The following DAZAP2 variants were observed in gnomAD, a reference collection of about 807,000 sequenced individuals.
The protein encoded by DAZAP2 is DAZ associated protein 2.
Under a neutral mutation model 16.2 loss-of-function variants are expected in DAZAP2, and 3 were observed. The observed-to-expected ratio is 0.19, with a 90% confidence interval of 0.08 to 0.48. The LOEUF is 0.48. DAZAP2 is among the 20% of genes least tolerant of loss of function. The pLI, the probability that DAZAP2 is intolerant of heterozygous loss-of-function variation, is 0.98. For missense variants in DAZAP2, 172 were observed against 215.9 expected (o/e 0.80, Z 1.27); for synonymous variants, 69 against 77.6 (o/e 0.89, Z 0.58).
chr12:51,242,891 T>C lies in DAZAP2; in HGVS notation c.*433T>C, dbSNP rs1944704126. 7 of 1,252,298 alleles carry C rather than the reference T, an allele frequency of 5.6e-6. No homozygotes were observed. In the South Asian group the frequency reaches 1.4e-4, roughly 24 times the overall value. The allele number at this position is 1,252,298 out of a possible 1,614,324, so 77.6% of individuals were successfully genotyped here. A position where few individuals can be genotyped will look rare whatever the true frequency, so the allele number is the denominator to read the frequency against. ...TTTGATATATATTACTTGTTATAAA[T>C]GGAACGCATTAGTTGTCTGCCTTTT... On this transcript the variant is annotated 3_prime_UTR_variant, in exon 4 of 4. Transcript: ENST00000412716.
chr12:51,238,885 G>A lies in DAZAP2; in HGVS notation c.-23G>A, dbSNP rs1040199755. The A allele has an allele frequency of 2.5e-6, 4 of 1,613,352 alleles. No individual in the cohort carries two copies. The highest frequency in any genetic ancestry group is 2.2e-5 in the East Asian group (1 of 44,860). ...AAAAAATAACCGTCCGCGACGCCGA[G>A]ACAAACCGGACCCGCAACCACCATG... On this transcript the variant is annotated 5_prime_UTR_variant, in exon 1 of 4. Coordinates refer to ENST00000412716, the MANE Select transcript of DAZAP2 (RefSeq NM_014764.4).
At position 51,243,918 on chromosome 12, in the gene DAZAP2, A is replaced by C; in HGVS notation, c.*1460A>C. 1.0e-6 allele frequency: 1 copy of C among 985,218 alleles called. No homozygotes were observed. Among genetic ancestry groups the C allele is most frequent in the Non-Finnish European group, 1.2e-6 (1 of 829,744 alleles). 61.0% of individuals were successfully genotyped at this position (985,218 alleles called of 1,614,324 possible). On this transcript the variant is annotated 3_prime_UTR_variant, in exon 4 of 4. Transcript: ENST00000412716. ...TTTGATGACGCTTTGAAATAAAGGC[A>C]GGAGTACAAGCCTAAGACTTGATCA...
intron 2 of DAZAP2, 178 bp downstream of exon 2, chr12:51,240,639 G>T: frequency 4.7e-6 from 4 of 842,226 alleles, no homozygotes; most frequent in Non-Finnish European, 5.4e-6. Context: ...TGATGATTTT[G>T]TGTTATTTGG....
chr12:51,242,877 T>C lies in DAZAP2; in HGVS notation c.*419T>C, dbSNP rs1309294015. ...ATCTCCTTTAAGTCTTTGATATATA[T>C]TACTTGTTATAAATGGAACGCATTA... On this transcript the variant is annotated 3_prime_UTR_variant, in exon 4 of 4. Coordinates refer to ENST00000412716, the MANE Select transcript of DAZAP2 (RefSeq NM_014764.4). The C allele has an allele frequency of 7.7e-7, 1 of 1,302,450 alleles. No individual in the cohort carries two copies. Among genetic ancestry groups the C allele is most frequent in the African/African-American group, 1.5e-5 (1 of 65,240 alleles). 80.7% of individuals were successfully genotyped at this position (1,302,450 alleles called of 1,614,324 possible). A position where few individuals can be genotyped will look rare whatever the true frequency, so the allele number is the denominator to read the frequency against.
In DAZAP2 at chr12:51,240,915, C is replaced by G; in HGVS notation, c.177C>G (p.Pro59=). 1.2e-6 allele frequency: 2 copies of G among 1,614,218 alleles called. No homozygotes were observed. Among genetic ancestry groups the G allele is most frequent in the Non-Finnish European group, 1.7e-6 (2 of 1,180,036 alleles). ...SFVHPGAATV[P]TMSAAFPGAS... ...TGCACCCAGGGGCTGCCACAGTCCC[C>G]ACCATGTCAGCCGCATTTCCTGGAG... The change falls in exon 3 of 4, where the codon CCC becomes CCG. Residue 59 remains proline, a synonymous_variant. Transcript: ENST00000412716.
Position 51,240,054 on chromosome 12 carries a change from T to G in DAZAP2, c.14-289T>G, listed in dbSNP as rs1592225937. ...GCAGCAGGCCAGAACCCCAGACCTG[T>G]CCTGCATTCCGGAGGGAACTTGGGC... On this transcript the variant is annotated intron_variant, in intron 1 of 3. Transcript: ENST00000412716. 15 of 420,306 alleles carry G rather than the reference T, an allele frequency of 3.6e-5. 1 individual carries two copies. The East Asian group carries it at 7.3e-4, about 20-fold the overall frequency. The allele number at this position is 420,306 out of a possible 1,614,324, so 26.0% of individuals were successfully genotyped here.
At chr12:51,242,270 A>T (rs938626245) in intron 3 of DAZAP2, 60 bp from the exon 4 acceptor site, 1 of 1,522,942 alleles carries the variant, frequency 6.6e-7, no homozygotes, top group Non-Finnish European at 8.8e-7. Flanking sequence ...TGCTTCCCCT[A>T]TGTCCCCTTC....
downstream of DAZAP2, among the ~76,000 whole-genome samples, chr12:51,244,364 T>C (rs1052825155): frequency 6.6e-6 from 1 of 152,160 alleles, no homozygotes; most frequent in Non-Finnish European, 1.5e-5. Context: ...ACCTGGTTCA[T>C]TTCTGTACTT....
chr12:51,240,166 A>G lies in DAZAP2; in HGVS notation c.14-177A>G, dbSNP rs1381935566. ...GTCTCGTTAGAATCCAGCACCTTCCATTTTAAGGGTGCAAAGACAATGCAT... is the reference window on the plus strand; with the variant it reads ...GTCTCGTTAGAATCCAGCACCTTCCGTTTTAAGGGTGCAAAGACAATGCAT... On this transcript the variant is annotated intron_variant, in intron 1 of 3. Transcript: ENST00000412716. 16 of 613,030 alleles carry G rather than the reference A, an allele frequency of 2.6e-5. No individual in the cohort carries two copies. In the East Asian group the frequency reaches 3.8e-4, roughly 15 times the overall value. The allele number at this position is 613,030 out of a possible 1,614,324, so 38.0% of individuals were successfully genotyped here. A position where few individuals can be genotyped will look rare whatever the true frequency, so the allele number is the denominator to read the frequency against.
At chr12:51,242,202 C>A in intron 3 of DAZAP2, 128 bp from the exon 4 acceptor site, 1 of 1,328,132 alleles carries the variant, frequency 7.5e-7, no homozygotes, top group Non-Finnish European at 1.0e-6. Flanking sequence ...AAATTGGTGG[C>A]GGAACTAGCT....
Position 51,243,050 on chromosome 12 carries a change from C to T in DAZAP2, c.*592C>T. On this transcript the variant is annotated 3_prime_UTR_variant, in exon 4 of 4. Transcript: ENST00000412716. ...TTTCCTTCTTTCCTCGCACTTCTCCCCACTCGTCATCTTTTAACTAGTGTT... is the reference window on the plus strand; with the variant it reads ...TTTCCTTCTTTCCTCGCACTTCTCCTCACTCGTCATCTTTTAACTAGTGTT... The T allele has an allele frequency of 1.0e-6, 1 of 993,850 alleles. No individual in the cohort carries two copies. Among genetic ancestry groups the T allele is most frequent in the Non-Finnish European group, 1.2e-6 (1 of 835,564 alleles). 61.6% of individuals were successfully genotyped at this position (993,850 alleles called of 1,614,324 possible). A position where few individuals can be genotyped will look rare whatever the true frequency, so the allele number is the denominator to read the frequency against.
chr12:51,243,229 G>A lies in DAZAP2; in HGVS notation c.*771G>A, dbSNP rs1944712869. On this transcript the variant is annotated 3_prime_UTR_variant, in exon 4 of 4. Coordinates refer to ENST00000412716, the MANE Select transcript of DAZAP2 (RefSeq NM_014764.4). ...GAACCTAACCCAAATTTGCTTTGGT[G>A]CCAGAAAAACTGAGCTATGTTTGAA... 5.1e-6 allele frequency: 5 copies of A among 985,728 alleles called. No individual in the cohort carries two copies. The African/African-American group carries it at 8.7e-5, about 17-fold the overall frequency. 61.1% of individuals were successfully genotyped at this position (985,728 alleles called of 1,614,324 possible). A position where few individuals can be genotyped will look rare whatever the true frequency, so the allele number is the denominator to read the frequency against.
chr12:51,239,044 T>C (rs1944607994), intron 1 of DAZAP2, 124 bp downstream of exon 1: 1 of 1,413,314 alleles, frequency 7.1e-7, no homozygotes, highest in Non-Finnish European at 9.5e-7. Flanking sequence ...CTTGGCCGGC[T>C]GCAGTCCAGG....
downstream of DAZAP2, chr12:51,246,491 G>GTCCCTACCCAC: frequency 2.3e-6 from 1 of 436,354 alleles, no homozygotes; most frequent in East Asian, 3.6e-5. Flanking sequence ...ATATATCCTC[G>GTCCCTACCCAC]TCCCTACCCA....
chr12:51,239,014 G>A, intron 1 of DAZAP2, 94 bp downstream of exon 1: 1 of 1,557,908 alleles, frequency 6.4e-7, no homozygotes, highest in Non-Finnish European at 8.7e-7. Context: ...GCCAGGTTTG[G>A]GGTGGGCTGC....
chr12:51,242,873 T>C lies in DAZAP2; in HGVS notation c.*415T>C. Reference sequence around the variant, plus strand: ...TTTAATCTCCTTTAAGTCTTTGATATATATTACTTGTTATAAATGGAACGC... The same window carrying C: ...TTTAATCTCCTTTAAGTCTTTGATACATATTACTTGTTATAAATGGAACGC... On this transcript the variant is annotated 3_prime_UTR_variant, in exon 4 of 4. Transcript: ENST00000412716. 5 of 1,321,772 alleles carry C rather than the reference T, an allele frequency of 3.8e-6. No homozygotes were observed. The South Asian group carries it at 7.8e-5, about 21-fold the overall frequency. The allele number at this position is 1,321,772 out of a possible 1,614,324, so 81.9% of individuals were successfully genotyped here.
chr12:51,239,496 AG>A lies in DAZAP2; in HGVS notation c.13+578del, dbSNP rs200318001. ...AGGAATAGAAAAAAAAAAAAAAAAA[AG>A]GCCGAGCGAGGTTGCTCACGCCTGT... On this transcript the variant is annotated intron_variant, in intron 1 of 3. Coordinates refer to ENST00000412716, the MANE Select transcript of DAZAP2 (RefSeq NM_014764.4). 3.8e-4 allele frequency: 55 copies of A among 145,034 alleles called. 1 individual carries two copies. Among genetic ancestry groups the A allele is most frequent in the South Asian group, 1.0e-3 (5 of 4,924 alleles). The allele number at this position is 145,034 out of a possible 1,614,324, so 9.0% of individuals were successfully genotyped here.
intron 3 of DAZAP2, 133 bp from the exon 4 acceptor site, chr12:51,242,197 G>T (rs1162045151): frequency 3.2e-6 from 4 of 1,268,792 alleles, no homozygotes; most frequent in Non-Finnish European, 4.3e-6. Flanking sequence ...AACTCAAATT[G>T]GTGGCGGAAC....
At chr12:51,241,570 T>C (rs1439161369) in intron 3 of DAZAP2, among the ~76,000 whole-genome samples, 4 of 151,098 alleles carry the variant, frequency 2.6e-5, no homozygotes, top group Non-Finnish European at 4.4e-5. Flanking sequence ...AATTCCCCAG[T>C]GCGTGGGATT....
Sources: allele counts gnomAD v4.1 joint callset (sites outside exome capture counted in the v4.1 genomes callset), GRCh38; gene constraint gnomAD v4.1.1; transcripts MANE v1.5; gene names NCBI Gene and HGNC (gene_info 2026-07-23, HGNC 2026-07-21).